The following TTYH3 variants were observed in gnomAD, a reference collection of about 807,000 sequenced individuals.
TTYH3 encodes the protein tweety family member 3, also known as protein tweety homolog 3.
Under a neutral mutation model 68.2 loss-of-function variants are expected in TTYH3, and 23 were observed. The ratio of observed to expected loss-of-function variants is 0.34; its 90% CI spans 0.24 to 0.48. The LOEUF (loss-of-function observed/expected upper bound fraction) is 0.48, where lower values mean the gene tolerates loss of function less well. Among genes scored for constraint, TTYH3 ranks in the 20% least tolerant of loss-of-function variants. TTYH3 has a pLI of 0.99. For missense variants in TTYH3, 768 were observed against 727.7 expected (o/e 1.06, Z -0.64); for synonymous variants, 360 against 332.8 (o/e 1.08, Z -0.89).
At chr7:2,643,104 C>T (rs1292713030) in intron 1 of TTYH3, among the ~76,000 whole-genome samples, 1 of 151,536 alleles carries the variant, frequency 6.6e-6, no homozygotes, top group East Asian at 1.9e-4. Context: ...GCCTGTAATC[C>T]CAGCACTTTG....
At chr7:2,650,084 T>C in intron 7 of TTYH3, 96 bp downstream of exon 7, 1 of 1,283,884 alleles carries the variant, frequency 7.8e-7, no homozygotes. Flanking sequence ...CCCTGCCCTG[T>C]GGGTCCATGG....
At chr7:2,632,911 G>T (rs1454094574) in intron 1 of TTYH3, among the ~76,000 whole-genome samples, 1 of 152,214 alleles carries the variant, frequency 6.6e-6, no homozygotes, top group Non-Finnish European at 1.5e-5. Flanking sequence ...GTGTGTGGCC[G>T]TGGGAGACCA....
In TTYH3 at chr7:2,632,145, C is replaced by A; in HGVS notation, c.-11C>A. On this transcript the variant is annotated 5_prime_UTR_variant, in exon 1 of 14. Coordinates refer to ENST00000258796, the MANE Select transcript of TTYH3 (RefSeq NM_025250.3). ...CAGGCCGCGCGCATCCGGAGGCGGCCGGGCCCCGCCATGGCCGGGGTCAGC... is the reference window on the plus strand; with the variant it reads ...CAGGCCGCGCGCATCCGGAGGCGGCAGGGCCCCGCCATGGCCGGGGTCAGC... 7.1e-7 allele frequency: 1 copy of A among 1,414,894 alleles called. No homozygotes were observed. The highest frequency in any genetic ancestry group is 9.3e-7 in the Non-Finnish European group (1 of 1,073,248). 87.6% of individuals were successfully genotyped at this position (1,414,894 alleles called of 1,614,324 possible). A position where few individuals can be genotyped will look rare whatever the true frequency, so the allele number is the denominator to read the frequency against.
At position 2,656,509 on chromosome 7, in the gene TTYH3, G is replaced by A. The variant is rs201609898; in HGVS notation, c.1225G>A (p.Val409Ile). 45 of 1,606,136 alleles carry A rather than the reference G, an allele frequency of 2.8e-5. No individual in the cohort carries two copies. In the African/African-American group the frequency reaches 3.3e-4, roughly 12 times the overall value. ...CATGTTCAGCTCCATCGTCTGCAGC[G>A]TCCCGCACACCTGGCAGCAAAAGAG... ...ALMFSSIVCS[V>I]PHTWQQKRGP... The change falls in exon 11 of 14, where the codon GTC (valine) becomes ATC (isoleucine). Residue 409 changes from valine to isoleucine, a missense_variant. Physicochemically the swap from Val to Ile is conservative, Grantham distance 29. Transcript: ENST00000258796.
rs747575971 is a variant in TTYH3 at position 2,647,154 on chromosome 7, A to G, written c.306A>G (p.Ala102=). The G allele has an allele frequency of 4.4e-6, 7 of 1,604,944 alleles. No homozygotes were observed. The highest frequency in any genetic ancestry group is 2.2e-5 in the East Asian group (1 of 44,540). ...IATLVCSAGI[A]VGFYGNGETS... is the part of the protein sequence containing the mutation. ...CCGCCCTCTCCAGCGCCGGCATCGC[A>G]GTGGGATTCTACGGCAACGGGGAGA... The change falls in exon 3 of 14, where the codon GCA becomes GCG. Residue 102 remains alanine, a synonymous_variant. Transcript: ENST00000258796.
chr7:2,647,238 C>T lies in TTYH3; in HGVS notation c.390C>T (p.Ala130=), dbSNP rs1262899920. 2 of 1,592,910 alleles carry T rather than the reference C, an allele frequency of 1.3e-6. No individual in the cohort carries two copies. The highest frequency in any genetic ancestry group is 1.7e-6 in the Non-Finnish European group (2 of 1,173,134). Residue 130 remains alanine, a synonymous_variant, in exon 3 of 14, where the codon GCC becomes GCT. Coordinates refer to ENST00000258796, the MANE Select transcript of TTYH3 (RefSeq NM_025250.3). The stretch of plus-strand genomic sequence containing the variant: ...TCCGCCACGCCAACCGCACGGTGGC[C>T]GGGGTCCAGGACCGCGTGAGTGGCC... The part of the protein sequence containing the change: ...YSLRHANRTV[A]GVQDRVWDTA...
intron 11 of TTYH3, 117 bp downstream of exon 11, chr7:2,656,651 C>T (rs1562718914): frequency 2.4e-6 from 3 of 1,264,102 alleles, no homozygotes; most frequent in African/African-American, 1.5e-5. Flanking sequence ...GGGACAGACA[C>T]CTCCTCACCT....
Position 2,661,779 on chromosome 7 carries a change from C to T in TTYH3, c.*40C>T. 3 of 1,581,956 alleles carry T rather than the reference C, an allele frequency of 1.9e-6. No individual in the cohort carries two copies. The highest frequency in any genetic ancestry group is 1.7e-4 in the Middle Eastern group (1 of 5,994). The stretch of plus-strand genomic sequence containing the variant: ...CCACCCACCCCACGTGCCAACTTCC[C>T]CTCCCCGTGCCAGCACTGCCGCTTC... On this transcript the variant is annotated 3_prime_UTR_variant, in exon 14 of 14. Transcript: ENST00000258796.
intron 1 of TTYH3, among the ~76,000 whole-genome samples, chr7:2,643,665 C>T (rs1004526887): frequency 6.6e-6 from 1 of 152,254 alleles, no homozygotes; most frequent in African/African-American, 2.4e-5. Flanking sequence ...GGGCTTATCT[C>T]GCTCTGCCTC....
chr7:2,656,043 G>T (rs1786323255), intron 9 of TTYH3, 49 bp from the exon 10 acceptor site: 1 of 1,433,162 alleles, frequency 7.0e-7, no homozygotes, highest in African/African-American at 1.4e-5. Context: ...CTGGCTCGAG[G>T]TCCCCCGTCC....
rs1218283943 is a variant in TTYH3 at position 2,646,989 on chromosome 7, C to T, written c.260C>T (p.Ala87Val). The change falls in exon 2 of 14, where the codon GCC (alanine) becomes GTC (valine). Residue 87 changes from alanine (A) to valine (V), a missense_variant. Physicochemically the swap from Ala to Val is moderately conservative, Grantham distance 64. Coordinates refer to ENST00000258796, the MANE Select transcript of TTYH3 (RefSeq NM_025250.3). ...EHLDADCCCT[A>V]WCVIIATLVC... ...CTGGACGCCGACTGCTGCTGCACGG[C>T]CTGGTGTGTCATCATCGCCACGCTG... 3 of 1,588,544 alleles carry T rather than the reference C, an allele frequency of 1.9e-6. No individual in the cohort carries two copies. The highest frequency in any genetic ancestry group is 1.7e-6 in the Non-Finnish European group (2 of 1,171,878).
chr7:2,657,338 G>GTGATGGTGATGGTGGTGA (rs1197473111), intron 11 of TTYH3, among the ~76,000 whole-genome samples: 1 of 151,848 alleles, frequency 6.6e-6, no homozygotes, highest in Non-Finnish European at 1.5e-5. Context: ...GGTAATGATG[G>GTGATGGTGATGGTGGTGA]TGATGGTGAT....
chr7:2,652,281 T>G (rs1200744548), intron 8 of TTYH3, 39 bp downstream of exon 8: 1 of 1,585,084 alleles, frequency 6.3e-7, no homozygotes, highest in Non-Finnish European at 8.6e-7. Flanking sequence ...TTCAGGAGAG[T>G]CTGAAGCACA....
rs558100991 is a variant in TTYH3 at position 2,645,055 on chromosome 7, C to T, written c.124-1798C>T. 6.9e-3 allele frequency among the ~76,000 whole-genome samples: 1,048 copies of T among 152,326 alleles called. 3 individuals carry two copies. The highest frequency in any genetic ancestry group is 0.01 in the Non-Finnish European group (682 of 68,022). ...AGAGAGGCGTTTCTCTGCAGTAGTG[C>T]CAATGAGGGCAGCGCAGGTGTGCCT... On this transcript the variant is annotated intron_variant, in intron 1 of 13. Coordinates refer to ENST00000258796, the MANE Select transcript of TTYH3 (RefSeq NM_025250.3). This position sits in a 1 kb window ranked among gnomAD's most constrained non-coding sequence, Gnocchi z 4.8.
chr7:2,647,456 G>T lies in TTYH3; in HGVS notation c.444G>T (p.Glu148Asp). 4 of 1,531,232 alleles carry T rather than the reference G, an allele frequency of 2.6e-6. No individual in the cohort carries two copies. Among genetic ancestry groups the T allele is most frequent in the Non-Finnish European group, 3.5e-6 (4 of 1,143,170 alleles). 94.9% of individuals were successfully genotyped at this position (1,531,232 alleles called of 1,614,324 possible). ...CGGTGGGGCTGAACCACACGGCGGA[G>T]CCCAGCCTGCAGACCCTGGAGCGGC... ...DTAVGLNHTA[E>D]PSLQTLERQL... Residue 148 changes from glutamate to aspartate, a missense_variant, in exon 4 of 14, where the codon GAG (glutamate) becomes GAT (aspartate). Transcript: ENST00000258796.
chr7:2,642,791 G>T (rs1381237501), intron 1 of TTYH3, among the ~76,000 whole-genome samples: 3 of 148,974 alleles, frequency 2.0e-5, no homozygotes, highest in Non-Finnish European at 4.4e-5. Context: ...GGCTGGGTGT[G>T]GTGGCTCACG....
Position 2,632,269 on chromosome 7 carries a change from C to T in TTYH3, c.114C>T (p.Asp38=). ...GCCAGTTCCGGCCCGAGGACACCGA[C>T]TACCAGCAGGTGACATGGGCCTCTC... The part of the protein sequence containing the change: ...TSSQFRPEDT[D]YQQALLLLGA... The change falls in exon 1 of 14, where the codon GAC becomes GAT. Residue 38 remains aspartate, a synonymous_variant. Transcript: ENST00000258796. The T allele has an allele frequency of 6.3e-7, 1 of 1,582,976 alleles. No individual in the cohort carries two copies. The highest frequency in any genetic ancestry group is 8.6e-7 in the Non-Finnish European group (1 of 1,161,852).
chr7:2,656,842 C>T (rs1387578480), intron 11 of TTYH3, among the ~76,000 whole-genome samples: 10 of 152,260 alleles, frequency 6.6e-5, no homozygotes, highest in Admixed American at 6.5e-4. Context: ...GCCCTATGCC[C>T]TGAGAGCTGG....
At chr7:2,660,221 C>G in intron 13 of TTYH3, 1 of 985,442 alleles carries the variant, frequency 1.0e-6, no homozygotes, top group Non-Finnish European at 1.2e-6. Flanking sequence ...CGGCTCTGGG[C>G]CCGCCAGCCT....
Sources: gnomAD v4.1 joint callset for allele counts (sites outside exome capture counted in the v4.1 genomes callset) on GRCh38, gnomAD v4.1.1 for gene constraint, Gnocchi (gnomAD v3.1) non-coding constraint, MANE v1.5 for transcripts, NCBI Gene and HGNC (gene_info 2026-07-23, HGNC 2026-07-21) for gene names.